Variants in SUGCT observed in about 807,000 individuals in gnomAD.
The protein encoded by SUGCT is succinyl-CoA:glutarate CoA-transferase.
Under a neutral mutation model 55.0 loss-of-function variants are expected in SUGCT, and 41 were observed. That is an observed-to-expected ratio of 0.74 (90% CI 0.58 to 0.97). The LOEUF is 0.97. SUGCT is among the 50% of genes least tolerant of loss of function. SUGCT has a pLI of 0.00. For missense variants in SUGCT, 568 were observed against 547.8 expected, an observed-to-expected ratio of 1.04 and a Z score of -0.37; for synonymous variants, 187 against 200.4, an observed-to-expected ratio of 0.93 and a Z score of 0.56.
chr7:40,500,720 A>C (rs1158220434), intron 12 of SUGCT, among the ~76,000 whole-genome samples: 1 of 152,168 alleles, frequency 6.6e-6, no homozygotes, highest in Non-Finnish European at 1.5e-5. Context: ...ACTAGCTCAT[A>C]TTATCTGAGT....
At chr7:40,271,290 AT>A (rs570239021) in intron 7 of SUGCT, among the ~76,000 whole-genome samples, 3 of 151,844 alleles carry the variant, frequency 2.0e-5, no homozygotes, top group Non-Finnish European at 4.4e-5. Context: ...AATTAGTTAA[AT>A]TTTTTTTCTT....
At chr7:40,357,721 A>T (rs994189649) in intron 9 of SUGCT, among the ~76,000 whole-genome samples, 12 of 152,174 alleles carry the variant, frequency 7.9e-5, no homozygotes, top group Admixed American at 4.6e-4. Context: ...TTAAAAATTT[A>T]TCTTTTTTCT....
At chr7:40,825,315 A>T (rs927879933) in intron 13 of SUGCT, among the ~76,000 whole-genome samples, 4 of 152,130 alleles carry the variant, frequency 2.6e-5, no homozygotes, top group Non-Finnish European at 5.9e-5. Flanking sequence ...CATCAAGCTA[A>T]AATTGACAGT....
chr7:40,704,014 A>G (rs898309331), intron 12 of SUGCT, among the ~76,000 whole-genome samples: 3 of 152,218 alleles, frequency 2.0e-5, no homozygotes, highest in East Asian at 3.9e-4. Flanking sequence ...TTTCTGGAAC[A>G]CTGACGAGAA....
At chr7:40,245,769 T>G (rs1244521967) in intron 7 of SUGCT, among the ~76,000 whole-genome samples, 1 of 152,008 alleles carries the variant, frequency 6.6e-6, no homozygotes, top group Non-Finnish European at 1.5e-5. Flanking sequence ...GCATGTAAGA[T>G]TTTTTGATAG....
At position 40,423,322 on chromosome 7, in the gene SUGCT, T is replaced by C. The variant is rs559122362; in HGVS notation, c.817-25965T>C. On this transcript the variant is annotated intron_variant, in intron 9 of 13. Coordinates refer to ENST00000335693, the MANE Select transcript of SUGCT (RefSeq NM_001193313.2). ...AGATATTAATGTTACTGCTGATGCA[T>C]GTCATATTCACTAAGAAAGTACATG... Among the ~76,000 whole-genome samples the C allele has an allele frequency of 1.7e-3, 252 of 152,188 alleles. 2 individuals carry two copies. Among genetic ancestry groups the C allele is most frequent in the Non-Finnish European group, 2.9e-3 (195 of 68,024 alleles).
intron 8 of SUGCT, among the ~76,000 whole-genome samples, chr7:40,280,767 A>C (rs1193441523): frequency 6.6e-6 from 1 of 152,118 alleles, no homozygotes; most frequent in Non-Finnish European, 1.5e-5. Flanking sequence ...AATTTTATTG[A>C]GGTATATATT....
intron 13 of SUGCT, among the ~76,000 whole-genome samples, chr7:40,850,660 C>A (rs1487804092): frequency 6.6e-6 from 1 of 152,094 alleles, no homozygotes; most frequent in Non-Finnish European, 1.5e-5. Flanking sequence ...GAAGAATAAG[C>A]AAAATAAATA....
At chr7:40,204,020 A>T (rs1022596454) in intron 6 of SUGCT, among the ~76,000 whole-genome samples, 1 of 151,836 alleles carries the variant, frequency 6.6e-6, no homozygotes, top group South Asian at 2.1e-4. Flanking sequence ...ACAAAGTCTC[A>T]CTTAGTCACC....
chr7:40,560,093 T>C (rs759251245), intron 12 of SUGCT, among the ~76,000 whole-genome samples: 27 of 152,228 alleles, frequency 1.8e-4, no homozygotes, highest in Non-Finnish European at 3.7e-4. Flanking sequence ...AGTGGTTCTG[T>C]TCTTGAAGAG....
At chr7:40,612,080 T>C (rs1447113052) in intron 12 of SUGCT, among the ~76,000 whole-genome samples, 5 of 151,670 alleles carry the variant, frequency 3.3e-5, no homozygotes, top group African/African-American at 1.2e-4. Flanking sequence ...ATCCTCATAA[T>C]GTGTTATGCA....
intron 7 of SUGCT, among the ~76,000 whole-genome samples, chr7:40,253,657 G>A (rs191827573): frequency 6.6e-6 from 1 of 152,140 alleles, no homozygotes; most frequent in Non-Finnish European, 1.5e-5. Flanking sequence ...CCGCCTCCCG[G>A]TGGCTGGACA....
the SUGCT span, among the ~76,000 whole-genome samples, chr7:41,019,230 A>T: frequency 1.3e-5 from 2 of 152,174 alleles, no homozygotes; most frequent in Non-Finnish European, 2.9e-5. Flanking sequence ...TCTTTAGGAC[A>T]ACTGTGAAGT....
chr7:40,640,856 G>A (rs755038977), intron 12 of SUGCT, among the ~76,000 whole-genome samples: 2 of 152,356 alleles, frequency 1.3e-5, no homozygotes, highest in South Asian at 2.1e-4. Context: ...ATTAGGAAGC[G>A]TAATGCATCC....
At chr7:40,207,445 G>T (rs1375157379) in intron 6 of SUGCT, among the ~76,000 whole-genome samples, 1 of 152,104 alleles carries the variant, frequency 6.6e-6, no homozygotes, top group Non-Finnish European at 1.5e-5. Context: ...CAGAGAAATT[G>T]GTACCCTTGT....
At chr7:40,950,669 G>A in the SUGCT span, among the ~76,000 whole-genome samples, 1 of 152,094 alleles carries the variant, frequency 6.6e-6, no homozygotes, top group Non-Finnish European at 1.5e-5. Flanking sequence ...AACATGAAGG[G>A]CTGTTGAATT....
chr7:40,371,844 T>C (rs1784308654), intron 9 of SUGCT, among the ~76,000 whole-genome samples: 1 of 152,060 alleles, frequency 6.6e-6, no homozygotes, highest in African/African-American at 2.4e-5. Flanking sequence ...CTGATTTTCT[T>C]CCATCTAATT....
In SUGCT at chr7:40,477,738, G is replaced by A. The variant is rs1028950192; in HGVS notation, c.986+18540G>A. ...TAATAAGTTTAAATTAAATTCAGTG[G>A]GGACATATTAAAAATAGGGTTTCAA... On this transcript the variant is annotated intron_variant, in intron 11 of 13. Transcript: ENST00000335693. 2.6e-5 allele frequency among the ~76,000 whole-genome samples: 4 copies of A among 152,014 alleles called. No individual in the cohort carries two copies. The South Asian group carries it at 8.3e-4, about 32-fold the overall frequency.
intron 13 of SUGCT, among the ~76,000 whole-genome samples, chr7:40,854,681 C>G (rs778495609): frequency 1.3e-4 from 19 of 151,656 alleles, no homozygotes; most frequent in Non-Finnish European, 2.4e-4. Flanking sequence ...CATGGATGCT[C>G]CTGTATTCTT....
Sources: allele counts gnomAD v4.1 joint callset (sites outside exome capture counted in the v4.1 genomes callset), GRCh38; gene constraint gnomAD v4.1.1; transcripts MANE v1.5; gene names NCBI Gene and HGNC (gene_info 2026-07-23, HGNC 2026-07-21).